The following KDM6A variants were observed in gnomAD, a reference collection of about 807,000 sequenced individuals.
The protein encoded by KDM6A is lysine demethylase 6A.
A neutral mutation model predicts 117.6 loss-of-function variants in KDM6A; 11 were observed. That is an observed-to-expected ratio of 0.09 (90% CI 0.06 to 0.15). KDM6A has a LOEUF of 0.15. Ranked by LOEUF, KDM6A falls within the 10% of genes least tolerant of loss-of-function variation. The probability of loss-of-function intolerance (pLI) is 1.00; values close to 1 mark genes in which losing one functional copy is unlikely to be tolerated. For synonymous variants in KDM6A, 384 were observed against 396.1 expected, an observed-to-expected ratio of 0.97 and a Z score of 0.36; for missense variants, 799 against 1,077.3, an observed-to-expected ratio of 0.74 and a Z score of 3.62.
chrX:44,874,798 A>ACCC (rs936447016), intron 2 of KDM6A, among the ~76,000 whole-genome samples: 1 of 98,492 alleles, frequency 1.0e-5, no homozygotes, highest in African/African-American at 3.8e-5. Context: ...GGTTAGGGGG[A>ACCC]GGGTGTAGAG....
Position 45,111,642 on chromosome X carries a change from T to G in KDM6A, c.*231T>G. 1 of 376,850 alleles carries G rather than the reference T, an allele frequency of 2.7e-6. No homozygotes were observed. Among genetic ancestry groups the G allele is most frequent in the Non-Finnish European group, 4.6e-6 (1 of 215,087 alleles). 31.1% of individuals were successfully genotyped at this position (376,850 alleles called of 1,213,427 possible). ...TCAGAAAAAAATAATAATTTCCATG[T>G]TTTGTATATATCTGACAAAACTGGC... On this transcript the variant is annotated 3_prime_UTR_variant, in exon 30 of 30. Transcript: ENST00000611820.
intron 4 of KDM6A, among the ~76,000 whole-genome samples, chrX:45,003,574 A>C (rs1281787637): frequency 9.0e-6 from 1 of 110,622 alleles, no homozygotes; most frequent in Non-Finnish European, 1.9e-5. Context: ...CCTTGTTTAC[A>C]CTGACAAGGT....
chrX:45,093,352 G>A (rs1380840591), intron 27 of KDM6A, among the ~76,000 whole-genome samples: 1 of 106,119 alleles, frequency 9.4e-6, no homozygotes, highest in African/African-American at 3.5e-5. Context: ...TCCAGCCTGG[G>A]TGAAAGAGTG....
At chrX:44,996,193 C>T (rs1024982456) in intron 4 of KDM6A, among the ~76,000 whole-genome samples, 1 of 110,366 alleles carries the variant, frequency 9.1e-6, no homozygotes, top group African/African-American at 3.3e-5. Context: ...CCTTTTTAGC[C>T]TCTCAAGTAG....
intron 8 of KDM6A, among the ~76,000 whole-genome samples, chrX:45,046,975 G>GTGA (rs1347545755): frequency 5.6e-5 from 6 of 106,992 alleles, no homozygotes; most frequent in East Asian, 2.9e-4. Context: ...TTTATTGGTG[G>GTGA]TGATGATGGT....
rs776700938 is a variant in KDM6A, at chrX:45,059,457, G to A, written c.1185G>A (p.Lys395=). 2 of 1,194,538 alleles carry A rather than the reference G, an allele frequency of 1.7e-6. No individual in the cohort carries two copies. Among genetic ancestry groups the A allele is most frequent in the Non-Finnish European group, 2.3e-6 (2 of 881,408 alleles). The change falls in exon 12 of 30, where the codon AAG becomes AAA. Residue 395 remains lysine (K), a synonymous_variant. Coordinates refer to ENST00000611820, the MANE Select transcript of KDM6A (RefSeq NM_001291415.2). ...CCTCTGCACTTGCAGCACGAATTAA[G>A]TATTTACAGGTAAAATTTTTAAATG... ...SNTSALAARI[K]YLQAQLCNLP...
At chrX:44,962,859 G>A (rs1017866972) in intron 3 of KDM6A, among the ~76,000 whole-genome samples, 2 of 112,176 alleles carry the variant, frequency 1.8e-5, no homozygotes, top group African/African-American at 3.2e-5. Context: ...TCTTGGCATC[G>A]TTGTTGATAT....
At chrX:45,014,510 G>A (rs1300953911) in intron 5 of KDM6A, among the ~76,000 whole-genome samples, 1 of 111,909 alleles carries the variant, frequency 8.9e-6, no homozygotes, top group East Asian at 2.8e-4. Flanking sequence ...AATATATGCA[G>A]CAGAGTGCTA....
At chrX:44,925,378 C>G (rs1248574077) in intron 2 of KDM6A, among the ~76,000 whole-genome samples, 1 of 111,557 alleles carries the variant, frequency 9.0e-6, no homozygotes, top group African/African-American at 3.3e-5. Flanking sequence ...TCTCTCCTCT[C>G]TCAGAGATCA....
intron 8 of KDM6A, among the ~76,000 whole-genome samples, chrX:45,044,976 A>C (rs142026575): frequency 9.0e-6 from 1 of 111,540 alleles, no homozygotes; most frequent in Non-Finnish European, 1.9e-5. Flanking sequence ...CATCTATAAT[A>C]TAAGTATTTT....
chrX:45,107,610 T>TA (rs2046578868), intron 28 of KDM6A, 74 bp downstream of exon 28: 3 of 1,066,307 alleles, frequency 2.8e-6, no homozygotes, highest in East Asian at 3.1e-5. Flanking sequence ...TCTTTATTTT[T>TA]AAAAAACTTT....
chrX:45,058,936 C>G (rs2044193158), intron 10 of KDM6A, 70 bp from the exon 11 acceptor site: 4 of 974,263 alleles, frequency 4.1e-6, no homozygotes, highest in South Asian at 3.9e-5. Context: ...TCCATCCTTT[C>G]AGCCGATTAA....
At chrX:45,080,417 C>A (rs2045346445) in intron 21 of KDM6A, among the ~76,000 whole-genome samples, 1 of 111,983 alleles carries the variant, frequency 8.9e-6, no homozygotes, top group African/African-American at 3.2e-5. Flanking sequence ...TTTGTGAATT[C>A]TCTTACAAAG....
At chrX:44,876,723 C>A (rs1325461107) in intron 2 of KDM6A, among the ~76,000 whole-genome samples, 1 of 100,655 alleles carries the variant, frequency 9.9e-6, no homozygotes, top group Non-Finnish European at 2.0e-5. Context: ...AATTCTTATT[C>A]CTATGTATAT....
rs2043860443 is a variant in KDM6A, at chrX:45,051,769, G to T, written c.715G>T (p.Ala239Ser). The T allele has an allele frequency of 8.5e-7, 1 of 1,180,507 alleles. No individual in the cohort carries two copies. Among genetic ancestry groups the T allele is most frequent in the African/African-American group, 1.8e-5 (1 of 56,687 alleles). The change falls in exon 9 of 30, where the codon GCA becomes TCA. Residue 239 changes from alanine to serine, a missense_variant. Around this residue, in one of 8 missense-constraint regions of KDM6A, gnomAD observed 63 missense variants for 68.2 expected, o/e 0.92. Transcript: ENST00000611820. The part of the protein sequence containing the change: ...EQLLQTENLS[A>S]QVKATVLQQL... ...ACTTTTGCAGACAGAGAATCTTTCT[G>T]CACAAGTAAAAGCAACTGTCTTACA...
intron 2 of KDM6A, among the ~76,000 whole-genome samples, chrX:44,885,481 A>T (rs188045125): frequency 2.7e-5 from 3 of 111,211 alleles, no homozygotes; most frequent in East Asian, 5.6e-4. Context: ...GACAGAAAGG[A>T]TGGTACAGTG....
Position 45,048,747 on chromosome X carries a change from C to T in KDM6A, c.655-2962C>T, listed in dbSNP as rs781368961. 5.5e-5 allele frequency among the ~76,000 whole-genome samples: 6 copies of T among 108,755 alleles called. No individual in the cohort carries two copies. The East Asian group carries it at 1.4e-3, about 26-fold the overall frequency. The allele number at this position is 108,755 out of a possible 115,157, so 94.4% of individuals were successfully genotyped here. ...GTGTGAACTTTTCCTTTGGTTTTGC[C>T]TGATTTTGGTCTCTCTCCAGTGCCA... On this transcript the variant is annotated intron_variant, in intron 8 of 29. Transcript: ENST00000611820.
chrX:44,914,459 T>C (rs2035427939), intron 2 of KDM6A, among the ~76,000 whole-genome samples: 1 of 111,893 alleles, frequency 8.9e-6, no homozygotes, highest in African/African-American at 3.3e-5. Context: ...TGCAGAAGTT[T>C]TTTATGTCTC....
chrX:45,027,129 TGA>T (rs200110078), intron 6 of KDM6A, among the ~76,000 whole-genome samples: 1 of 108,445 alleles, frequency 9.2e-6, no homozygotes, highest in Non-Finnish European at 1.9e-5. Context: ...GGCAACATAG[TGA>T]GAGAGAGACA....
Sources: gnomAD v4.1 joint callset for allele counts (sites outside exome capture counted in the v4.1 genomes callset) on GRCh38, gnomAD v4.1.1 for gene constraint, gnomAD v4.1.1 regional missense constraint, MANE v1.5 for transcripts, NCBI Gene and HGNC (gene_info 2026-07-23, HGNC 2026-07-21) for gene names.